The following PRPSAP2 variants were observed in gnomAD, a reference collection of about 807,000 sequenced individuals.
The protein encoded by PRPSAP2 is phosphoribosyl pyrophosphate synthetase associated protein 2, also known as phosphoribosyl pyrophosphate synthase-associated protein 2.
In PRPSAP2, 24 loss-of-function variants were observed where a neutral mutation model predicts 40.6. The ratio of observed to expected loss-of-function variants is 0.59; its 90% CI spans 0.43 to 0.83. The LOEUF is 0.83. Ranked by LOEUF, PRPSAP2 falls within the 40% of genes least tolerant of loss-of-function variation. PRPSAP2 has a pLI of 0.00. For missense variants in PRPSAP2, 292 were observed against 465.6 expected (o/e 0.63, Z 3.43); for synonymous variants, 149 against 164.7 (o/e 0.90, Z 0.73).
intron 9 of PRPSAP2, among the ~76,000 whole-genome samples, chr17:18,915,965 G>A (rs2041285029): frequency 6.6e-6 from 1 of 151,922 alleles, no homozygotes; most frequent in Admixed American, 6.6e-5. Flanking sequence ...GACTACAGGT[G>A]CATGCCACCA....
intron 7 of PRPSAP2, among the ~76,000 whole-genome samples, chr17:18,885,596 T>G (rs1173713744): frequency 6.7e-6 from 1 of 149,636 alleles, no homozygotes; most frequent in Non-Finnish European, 1.5e-5. Flanking sequence ...TTGTTTTTTG[T>G]TTTTTTTTGA....
intron 4 of PRPSAP2, among the ~76,000 whole-genome samples, chr17:18,869,838 T>TGTGTGTGTGTGTGTGTGTGTGTGTG (rs58195806): frequency 5.0e-5 from 7 of 139,554 alleles, no homozygotes; most frequent in African/African-American, 1.7e-4. Context: ...TTGCTACTTT[T>TGTGTGTGTGTGTGTGTGTGTGTGTG]TTTTTGTGTG....
intron 8 of PRPSAP2, among the ~76,000 whole-genome samples, chr17:18,898,282 C>T (rs989467551): frequency 6.6e-5 from 10 of 152,112 alleles, no homozygotes; most frequent in Non-Finnish European, 1.2e-4. Context: ...CAGGCTTGAG[C>T]CACCACACCC....
intron 8 of PRPSAP2, among the ~76,000 whole-genome samples, chr17:18,892,727 G>GTGTGTGTGTT (rs60288281): frequency 0.062 from 7,870 of 126,476 alleles, 567 homozygotes; most frequent in Middle Eastern, 0.1. Context: ...GTGTGTGTGT[G>GTGTGTGTGTT]TATTTATTTA....
At chr17:18,870,886 A>T (rs1431233520) in intron 4 of PRPSAP2, among the ~76,000 whole-genome samples, 1 of 151,766 alleles carries the variant, frequency 6.6e-6, no homozygotes, top group African/African-American at 2.4e-5. Flanking sequence ...TGTGGCCTCA[A>T]GTGATCTGCC....
rs188849102 is a variant in PRPSAP2 at position 18,875,366 on chromosome 17, C to T, written c.240-2332C>T. Among the ~76,000 whole-genome samples the T allele has an allele frequency of 2.5e-3, 383 of 152,118 alleles. 1 individual carries two copies. Among genetic ancestry groups the T allele is most frequent in the Non-Finnish European group, 3.9e-3 (266 of 68,002 alleles). ...ATCAGTTGAGGCCAGGAGTTTGAGA[C>T]CAGCCAGGCCAACACGGTGAAACCC... is the stretch of plus-strand genomic sequence containing the variant. On this transcript the variant is annotated intron_variant, in intron 5 of 11. Transcript: ENST00000268835.
upstream of PRPSAP2, chr17:18,857,832 G>A (rs1022427541): frequency 1.8e-4 from 28 of 152,410 alleles, no homozygotes; most frequent in African/African-American, 6.0e-4. Context: ...AAGGTTACAG[G>A]CCAGTGGAGG....
At chr17:18,901,357 C>T (rs961766166) in intron 8 of PRPSAP2, among the ~76,000 whole-genome samples, 1 of 151,950 alleles carries the variant, frequency 6.6e-6, no homozygotes, top group Non-Finnish European at 1.5e-5. Flanking sequence ...CCTTGCTAGT[C>T]TGCCTTCTCT....
intron 9 of PRPSAP2, among the ~76,000 whole-genome samples, chr17:18,916,133 A>T (rs1341372772): frequency 6.6e-6 from 1 of 151,718 alleles, no homozygotes; most frequent in Non-Finnish European, 1.5e-5. Context: ...TTTTAACATA[A>T]GTTTTAGTGG....
At chr17:18,874,628 C>T (rs534179039) in intron 5 of PRPSAP2, among the ~76,000 whole-genome samples, 188 of 152,330 alleles carry the variant, frequency 1.2e-3, no homozygotes, top group Non-Finnish European at 1.1e-3. Context: ...GCCTTTGCCA[C>T]GGTGCCCTAG....
intron 5 of PRPSAP2, among the ~76,000 whole-genome samples, chr17:18,873,734 A>G (rs1245768613): frequency 2.0e-5 from 3 of 152,066 alleles, no homozygotes; most frequent in Non-Finnish European, 4.4e-5. Context: ...AGGATAAAAA[A>G]CTGTACTGAA....
intron 1 of PRPSAP2, among the ~76,000 whole-genome samples, chr17:18,862,791 TTTTATTTATTTATTTA>T (rs199576423): frequency 0.074 from 11,042 of 149,190 alleles, 423 homozygotes; most frequent in South Asian, 0.086. Flanking sequence ...TGTAACACCC[TTTTATTTATTTATTTA>T]TTTATTTATT....
upstream of PRPSAP2, among the ~76,000 whole-genome samples, chr17:18,857,056 G>C (rs570097215): frequency 6.6e-6 from 1 of 152,272 alleles, no homozygotes; most frequent in South Asian, 2.1e-4. Flanking sequence ...GATAATGGCT[G>C]GGCGCGATGG....
chr17:18,872,043 G>A (rs2037923372), intron 4 of PRPSAP2, among the ~76,000 whole-genome samples: 1 of 152,156 alleles, frequency 6.6e-6, no homozygotes, highest in Non-Finnish European at 1.5e-5. Context: ...GGCTGAGGCA[G>A]GCAGATCGCG....
intron 3 of PRPSAP2, among the ~76,000 whole-genome samples, chr17:18,866,564 A>G (rs1468763173): frequency 1.3e-5 from 2 of 152,204 alleles, no homozygotes; most frequent in Non-Finnish European, 2.9e-5. Context: ...GTCTCAAAAA[A>G]AGAACATTAA....
intron 8 of PRPSAP2, among the ~76,000 whole-genome samples, chr17:18,907,970 T>C (rs1051886489): frequency 6.6e-6 from 1 of 151,822 alleles, no homozygotes; most frequent in Non-Finnish European, 1.5e-5. Context: ...TGAAACCCCA[T>C]CTCTACAAAA....
intron 8 of PRPSAP2, among the ~76,000 whole-genome samples, chr17:18,902,541 A>G (rs1351227377): frequency 2.6e-5 from 4 of 152,114 alleles, no homozygotes; most frequent in Non-Finnish European, 5.9e-5. Context: ...AATGTTTTCT[A>G]TACCAGTGAT....
At chr17:18,883,403 C>CT (rs3043912) in intron 7 of PRPSAP2, among the ~76,000 whole-genome samples, 33,860 of 134,032 alleles carry the variant, frequency 0.25, 4,535 homozygotes, top group South Asian at 0.31. Context: ...GTTTTTCTTT[C>CT]TTTTTTTTTT....
intron 9 of PRPSAP2, among the ~76,000 whole-genome samples, chr17:18,912,206 C>G (rs1413430764): frequency 6.6e-6 from 1 of 151,988 alleles, no homozygotes; most frequent in Non-Finnish European, 1.5e-5. Flanking sequence ...GATAAAGGCG[C>G]CAGCAGATTT....
Sources: gnomAD v4.1 joint callset for allele counts (sites outside exome capture counted in the v4.1 genomes callset) on GRCh38, gnomAD v4.1.1 for gene constraint, MANE v1.5 for transcripts, NCBI Gene and HGNC (gene_info 2026-07-23, HGNC 2026-07-21) for gene names.